The following FAM204A variants were observed in gnomAD, a reference collection of about 807,000 sequenced individuals.
The protein encoded by FAM204A is protein FAM204A.
Under a neutral mutation model 35.4 loss-of-function variants are expected in FAM204A, and 16 were observed. That is an observed-to-expected ratio of 0.45 (90% CI 0.31 to 0.69). The LOEUF (loss-of-function observed/expected upper bound fraction) is 0.69, where lower values mean the gene tolerates loss of function less well. Ranked by LOEUF, FAM204A falls within the 30% of genes least tolerant of loss-of-function variation. FAM204A has a pLI of 0.07. For synonymous variants in FAM204A, 76 were observed against 86.9 expected (o/e 0.88, Z 0.70); for missense variants, 240 against 265.7 (o/e 0.90, Z 0.67).
chr10:118,324,257 T>C (rs530210428), intron 7 of FAM204A, among the ~76,000 whole-genome samples: 17 of 152,218 alleles, frequency 1.1e-4, no homozygotes, highest in African/African-American at 4.1e-4. Flanking sequence ...AACTGTATCT[T>C]ACAAGAAAAA....
rs751425991 is a variant in FAM204A, at chr10:118,308,121, G to A, written c.*2736C>T. 1.3e-5 allele frequency: 2 copies of A among 152,222 alleles called. No homozygotes were observed. Among genetic ancestry groups the A allele is most frequent in the Admixed American group, 6.5e-5 (1 of 15,282 alleles). The allele number at this position is 152,222 out of a possible 1,614,324, so 9.4% of individuals were successfully genotyped here. A position where few individuals can be genotyped will look rare whatever the true frequency, so the allele number is the denominator to read the frequency against. ...TGCCAACTTCCCTTTCTCAGAACCA[G>A]TGCTGTAAAGCTCAAAATTACTGTT... is the stretch of plus-strand genomic sequence containing the variant. On this transcript the variant is annotated 3_prime_UTR_variant, in exon 9 of 9. Coordinates refer to ENST00000369183, the MANE Select transcript of FAM204A (RefSeq NM_022063.3).
chr10:118,299,093 G>A lies in FAM204A; in HGVS notation c.*11764C>T, dbSNP rs1845780165. ...CCCTCTGGGCCCACATCATTTTCTT[G>A]TCTTGGGCAGCAGATCATTCCTTTT... On this transcript the variant is annotated 3_prime_UTR_variant, in exon 9 of 9. Transcript: ENST00000369183. 2 of 152,236 alleles carry A rather than the reference G, an allele frequency of 1.3e-5. No homozygotes were observed. The highest frequency in any genetic ancestry group is 6.5e-5 in the Admixed American group (1 of 15,298). 9.4% of individuals were successfully genotyped at this position (152,236 alleles called of 1,614,324 possible).
intron 4 of FAM204A, 53 bp from the exon 5 acceptor site, chr10:118,335,479 T>A: frequency 6.3e-7 from 1 of 1,596,058 alleles, no homozygotes; most frequent in Non-Finnish European, 8.5e-7. Context: ...TTCAAAACCA[T>A]ATTTTAAAAA....
Position 118,336,228 on chromosome 10 carries a change from T to C in FAM204A, c.188A>G (p.Asn63Ser), listed in dbSNP as rs1288860699. 1.2e-6 allele frequency: 2 copies of C among 1,613,912 alleles called. No individual in the cohort carries two copies. The highest frequency in any genetic ancestry group is 1.1e-5 in the South Asian group (1 of 91,080). The change falls in exon 3 of 9, where the codon AAT (asparagine) becomes AGT (serine). Residue 63 changes from asparagine to serine, a missense_variant. Around this residue, in one of 2 missense-constraint regions of FAM204A, gnomAD observed 232 missense variants for 242.8 expected, o/e 0.96. Coordinates refer to ENST00000369183, the MANE Select transcript of FAM204A (RefSeq NM_022063.3). ...EPKTETESNV[N>S]AYEECPSGIP... Reference sequence around the variant, plus strand: ...TCCAGAAGGACACTCTTCATAGGCATTTACATTTGACTCTGTTTCAGTTTT... The same window carrying C: ...TCCAGAAGGACACTCTTCATAGGCACTTACATTTGACTCTGTTTCAGTTTT...
rs555411110 is a variant in FAM204A at position 118,320,571 on chromosome 10, CAT to C, written c.543+5581_543+5582del. Among the ~76,000 whole-genome samples the C allele has an allele frequency of 7.8e-4, 118 of 152,010 alleles. 3 individuals carry two copies. The South Asian group carries it at 0.023, about 30-fold the overall frequency. On this transcript the variant is annotated intron_variant, in intron 7 of 8. Transcript: ENST00000369183. ...TTTTATACACATACACACACACACACATATTTCAAATTAGAACAGTTTCATCA... is the reference window on the plus strand; with the variant it reads ...TTTTATACACATACACACACACACACATTTCAAATTAGAACAGTTTCATCA...
intron 7 of FAM204A, among the ~76,000 whole-genome samples, chr10:118,315,122 A>C (rs1213500067): frequency 6.6e-6 from 1 of 152,142 alleles, no homozygotes; most frequent in Non-Finnish European, 1.5e-5. Flanking sequence ...AAGCGTCTGC[A>C]TAACCTCAAG....
chr10:118,332,609 G>A (rs561448912), intron 6 of FAM204A, among the ~76,000 whole-genome samples: 1 of 151,326 alleles, frequency 6.6e-6, no homozygotes, highest in Non-Finnish European at 1.5e-5. Flanking sequence ...TCTATGTATT[G>A]GAGAACCATG....
rs1292010598 is a variant in FAM204A, at chr10:118,298,745, G to A, written c.*12112C>T. 5.9e-5 allele frequency: 9 copies of A among 152,214 alleles called. No homozygotes were observed. The highest frequency in any genetic ancestry group is 2.9e-5 in the Non-Finnish European group (2 of 68,046). The allele number at this position is 152,214 out of a possible 1,614,324, so 9.4% of individuals were successfully genotyped here. On this transcript the variant is annotated 3_prime_UTR_variant, in exon 9 of 9. Transcript: ENST00000369183. ...GAGGACCAGTGATGAAATGTCTGGG[G>A]AAGAGGTTTCAGTCAACTGTCACTA...
At chr10:118,334,500 T>A (rs1040299501) in intron 6 of FAM204A, among the ~76,000 whole-genome samples, 4 of 152,198 alleles carry the variant, frequency 2.6e-5, no homozygotes, top group African/African-American at 9.7e-5. Context: ...TCTGTTCTCA[T>A]CTATTTTTGC....
In FAM204A at chr10:118,336,257, T is replaced by G. The variant is rs761495080; in HGVS notation, c.159A>C (p.Glu53Asp). 41 of 1,613,804 alleles carry G rather than the reference T, an allele frequency of 2.5e-5. No individual in the cohort carries two copies. The Admixed American group carries it at 6.3e-4, about 25-fold the overall frequency. ...CATTTGACTCTGTTTCAGTTTTTGG[T>G]TCATCTGTTGAGAAATCTATGATTT... The part of the protein sequence containing the change: ...KTEIIDFSTD[E>D]PKTETESNVN... The change falls in exon 3 of 9, where the codon GAA becomes GAC. Residue 53 changes from glutamate to aspartate, a missense_variant. Glu to Asp is a conservative substitution (Grantham distance 45). Transcript: ENST00000369183.
intron 6 of FAM204A, among the ~76,000 whole-genome samples, chr10:118,326,565 C>T (rs529629906): frequency 6.6e-6 from 1 of 152,282 alleles, no homozygotes; most frequent in South Asian, 2.1e-4. Flanking sequence ...GTGTTTATTA[C>T]GTGGCAGATT....
At chr10:118,335,076 C>T (rs368550039) in intron 6 of FAM204A, 38 bp downstream of exon 6, 222 of 1,434,762 alleles carry the variant, frequency 1.5e-4, no homozygotes, top group Non-Finnish European at 2.2e-4. Context: ...CAAACATATC[C>T]TACTAGCTGG....
chr10:118,339,119 A>T (rs1846432813), intron 2 of FAM204A, among the ~76,000 whole-genome samples: 1 of 152,176 alleles, frequency 6.6e-6, no homozygotes, highest in Non-Finnish European at 1.5e-5. Flanking sequence ...CACTCTTTAG[A>T]ACCTTTAGTC....
chr10:118,311,324 C>CA lies in FAM204A; in HGVS notation c.544-12dup. On this transcript the variant is annotated splice_polypyrimidine_tract_variant and intron_variant, in intron 7 of 8. Coordinates refer to ENST00000369183, the MANE Select transcript of FAM204A (RefSeq NM_022063.3). ...AATTTTTACACCAAGCTAAGAATTA[C>CA]AAAGGAGAAAAAAAAAGTGAAAATA... 1 of 1,401,294 alleles carries CA rather than the reference C, an allele frequency of 7.1e-7. No homozygotes were observed. The highest frequency in any genetic ancestry group is 9.3e-7 in the Non-Finnish European group (1 of 1,069,630). 86.8% of individuals were successfully genotyped at this position (1,401,294 alleles called of 1,614,324 possible).
chr10:118,330,371 A>G (rs1846270551), intron 6 of FAM204A, among the ~76,000 whole-genome samples: 1 of 152,184 alleles, frequency 6.6e-6, no homozygotes, highest in African/African-American at 2.4e-5. Flanking sequence ...AACAGCTTCC[A>G]TTCTTTTGCC....
chr10:118,334,915 A>C (rs898405101), intron 6 of FAM204A, among the ~76,000 whole-genome samples, 199 bp downstream of exon 6: 4 of 152,226 alleles, frequency 2.6e-5, no homozygotes, highest in African/African-American at 9.7e-5. Flanking sequence ...CCCCATTTTA[A>C]TATTTTCACA....
At chr10:118,339,968 C>A (rs1334570226) in intron 2 of FAM204A, among the ~76,000 whole-genome samples, 1 of 152,162 alleles carries the variant, frequency 6.6e-6, no homozygotes, top group Non-Finnish European at 1.5e-5. Flanking sequence ...ATTTAGCATA[C>A]TTGGTCAGAT....
intron 7 of FAM204A, among the ~76,000 whole-genome samples, chr10:118,325,148 A>T (rs2133280046): frequency 6.6e-6 from 1 of 152,214 alleles, no homozygotes; most frequent in East Asian, 1.9e-4. Context: ...AATTCACAAG[A>T]TACTTAAAGC....
rs1459700112 is a variant in FAM204A at position 118,311,252 on chromosome 10, A to G, written c.605T>C (p.Val202Ala). 1.2e-6 allele frequency: 2 copies of G among 1,612,230 alleles called. No individual in the cohort carries two copies. Among genetic ancestry groups the G allele is most frequent in the Non-Finnish European group, 1.7e-6 (2 of 1,179,698 alleles). Residue 202 changes from valine (V) to alanine (A), a missense_variant, in exon 8 of 9, where the codon GTT becomes GCT. Val to Ala is a moderately conservative substitution (Grantham distance 64). Around this residue, in one of 2 missense-constraint regions of FAM204A, gnomAD observed 232 missense variants for 242.8 expected, o/e 0.96. Transcript: ENST00000369183. ...CHNFVKAKKE[V>A]ENSQAARKKK... ...TTTTCGGGCAGCCTGTGAATTTTCA[A>G]CCTCCTTTTTGGCTTTTACAAAGTT...
Sources: allele counts gnomAD v4.1 joint callset (sites outside exome capture counted in the v4.1 genomes callset), GRCh38; gene constraint gnomAD v4.1.1; regional missense constraint gnomAD v4.1.1; transcripts MANE v1.5; gene names NCBI Gene and HGNC (gene_info 2026-07-23, HGNC 2026-07-21).